The following SPTBN5 variants were observed in gnomAD, a reference collection of about 807,000 sequenced individuals.
SPTBN5 encodes the protein spectrin beta chain, non-erythrocytic 5.
In SPTBN5, 513 loss-of-function variants were observed where a neutral mutation model predicts 477.6. That is an observed-to-expected ratio of 1.07 (90% CI 1.00 to 1.16). The LOEUF is 1.16. Ranked by LOEUF, SPTBN5 falls within the 50% of genes most tolerant of loss-of-function variation. The pLI, the probability that SPTBN5 is intolerant of heterozygous loss-of-function variation, is 0.00. For missense variants in SPTBN5, 5,062 were observed against 4,731.8 expected, an observed-to-expected ratio of 1.07 and a Z score of -2.05; for synonymous variants, 2,169 against 2,011.7, an observed-to-expected ratio of 1.08 and a Z score of -2.09.
At position 41,876,094 on chromosome 15, in the gene SPTBN5, C is replaced by A; in HGVS notation, c.4122+20G>T. 6.3e-7 allele frequency: 1 copy of A among 1,589,066 alleles called. No homozygotes were observed. The highest frequency in any genetic ancestry group is 8.5e-7 in the Non-Finnish European group (1 of 1,170,604). Reference sequence around the variant, plus strand: ...TTTGAAGACAAGGAGGCTCTGCACCCTCTGTCCCGTGTCCCCCACCTGCTG... The same window carrying A: ...TTTGAAGACAAGGAGGCTCTGCACCATCTGTCCCGTGTCCCCCACCTGCTG... On this transcript the variant is annotated intron_variant, in intron 21 of 67. Coordinates refer to ENST00000320955, the MANE Select transcript of SPTBN5 (RefSeq NM_016642.4).
At chr15:41,867,382 C>T (rs1190228031) in intron 35 of SPTBN5, among the ~76,000 whole-genome samples, 156 bp downstream of exon 35, 1 of 152,162 alleles carries the variant, frequency 6.6e-6, no homozygotes, top group Non-Finnish European at 1.5e-5. Context: ...TCTTGAGCCA[C>T]ACATACAACT....
intron 62 of SPTBN5, 34 bp downstream of exon 62, chr15:41,852,148 G>C: frequency 5.8e-6 from 9 of 1,547,400 alleles, no homozygotes; most frequent in Non-Finnish European, 7.9e-6. Flanking sequence ...GGAGACCACG[G>C]CGGGGGTGCC....
rs774446703 is a variant in SPTBN5 at position 41,882,566 on chromosome 15, G to A, written c.2046+19C>T. The A allele has an allele frequency of 2.4e-5, 38 of 1,585,288 alleles. No homozygotes were observed. The Middle Eastern group carries it at 1.0e-3, about 42-fold the overall frequency. On this transcript the variant is annotated intron_variant, in intron 10 of 67. Transcript: ENST00000320955. ...GGCAAGGCGCTGGCGACCGGCGGGC[G>A]CGCTCGGGGAGCTGACACCTTGTGT...
chr15:41,861,672 T>A, intron 45 of SPTBN5, 63 bp downstream of exon 45: 1 of 1,506,820 alleles, frequency 6.6e-7, no homozygotes, highest in Non-Finnish European at 8.9e-7. Flanking sequence ...CCAGAGGCTG[T>A]GGGGTCAGCG....
intron 3 of SPTBN5, among the ~76,000 whole-genome samples, chr15:41,891,238 T>C (rs1427820714): frequency 6.6e-6 from 1 of 152,166 alleles, no homozygotes; most frequent in African/African-American, 2.4e-5. Context: ...AAGTACTGAA[T>C]GGAGAAAGAA....
rs112538322 is a variant in SPTBN5, at chr15:41,863,496, C to T, written c.7149+208G>A. Among the ~76,000 whole-genome samples the T allele has an allele frequency of 5.0e-3, 768 of 152,286 alleles. 11 individuals carry two copies. Among genetic ancestry groups the T allele is most frequent in the African/African-American group, 0.017 (726 of 41,552 alleles). On this transcript the variant is annotated intron_variant, in intron 41 of 67. Transcript: ENST00000320955. ...GAGACAGGGAATCCCCCACTGAGCTCGCAATGGATGCTTCTATGGTCCTGA... is the reference window on the plus strand; with the variant it reads ...GAGACAGGGAATCCCCCACTGAGCTTGCAATGGATGCTTCTATGGTCCTGA...
chr15:41,852,150 G>A (rs759750202), intron 62 of SPTBN5, 32 bp downstream of exon 62: 51 of 1,547,860 alleles, frequency 3.3e-5, no homozygotes, highest in Admixed American at 1.9e-4. Flanking sequence ...AGACCACGGC[G>A]GGGGTGCCTG....
rs756420485 is a variant in SPTBN5, at chr15:41,880,357, G to A, written c.2659-45C>T. On this transcript the variant is annotated intron_variant, in intron 13 of 67. Coordinates refer to ENST00000320955, the MANE Select transcript of SPTBN5 (RefSeq NM_016642.4). ...GGCTGGGGTGAGGGTCAGGGCCCCC[G>A]ACAGGGCTCTCAGAGCGGGTCAAAG... The A allele has an allele frequency of 5.8e-6, 9 of 1,544,210 alleles. No homozygotes were observed. In the Admixed American group the frequency reaches 6.0e-5, roughly 10 times the overall value.
At chr15:41,860,099 T>TA (rs1386549308) in intron 47 of SPTBN5, among the ~76,000 whole-genome samples, 3 of 152,222 alleles carry the variant, frequency 2.0e-5, no homozygotes. Context: ...TTAGATGAAC[T>TA]AAGACTTCTG....
chr15:41,877,898 C>T (rs1015436701), intron 17 of SPTBN5, among the ~76,000 whole-genome samples: 4 of 152,196 alleles, frequency 2.6e-5, no homozygotes, highest in Non-Finnish European at 5.9e-5. Flanking sequence ...GCCTGCCAGC[C>T]CATAACGTCA....
intron 66 of SPTBN5, 34 bp downstream of exon 66, chr15:41,850,820 G>T: frequency 6.5e-7 from 1 of 1,547,022 alleles, no homozygotes; most frequent in Non-Finnish European, 8.7e-7. Context: ...CAGGGAGTCG[G>T]CCGCCCTCCC....
At position 41,882,393 on chromosome 15, in the gene SPTBN5, C is replaced by G; in HGVS notation, c.2123G>C (p.Arg708Pro). Residue 708 changes from arginine (R) to proline (P), a missense_variant, in exon 11 of 68, where the codon CGC becomes CCC. Arg to Pro is a moderately radical substitution (Grantham distance 103). Transcript: ENST00000320955. ...GGGATCCGGCTGCGTTGGGGGCCTG[C>G]GGGCGCTGAGGTCGCGTCCCCTCCG... The part of the protein sequence containing the change: ...LVRRGRDLSA[R>P]RPPTQPDPGE... The G allele has an allele frequency of 6.5e-7, 1 of 1,538,892 alleles. No individual in the cohort carries two copies. Among genetic ancestry groups the G allele is most frequent in the Non-Finnish European group, 8.7e-7 (1 of 1,148,400 alleles).
chr15:41,861,025 A>T (rs920660950), intron 46 of SPTBN5, among the ~76,000 whole-genome samples: 1 of 152,130 alleles, frequency 6.6e-6, no homozygotes, highest in African/African-American at 2.4e-5. Context: ...CCTCCTCTGC[A>T]CTCCCTGGAG....
chr15:41,851,888 AGCAC>A, intron 62 of SPTBN5, 38 bp from the exon 63 acceptor site: 1 of 1,555,098 alleles, frequency 6.4e-7, no homozygotes, highest in Non-Finnish European at 8.8e-7. Flanking sequence ...TGTCAGGACC[AGCAC>A]CCTCAGGAAG....
rs764462237 is a variant in SPTBN5, at chr15:41,854,931, G to A, written c.9469C>T (p.Leu3157=). 4 of 1,575,738 alleles carry A rather than the reference G, an allele frequency of 2.5e-6. No individual in the cohort carries two copies. In the South Asian group the frequency reaches 3.5e-5, roughly 14 times the overall value. ...AGGGCATACACCTTGGCCTGGCCCA[G>A]GCTCTGCACTTCCTTTCTGAAAGCA... The part of the protein sequence containing the change: ...FDAFRKEVQS[L]GQAKVYALRK... The change falls in exon 56 of 68, where the codon CTG becomes TTG. Residue 3157 remains leucine (L), a synonymous_variant. Transcript: ENST00000320955.
intron 59 of SPTBN5, 79 bp from the exon 60 acceptor site, chr15:41,853,079 G>A (rs1250852770): frequency 4.8e-6 from 7 of 1,443,852 alleles, no homozygotes; most frequent in Middle Eastern, 2.5e-4. Context: ...AGAGCCAAGT[G>A]TTAATGGAAG....
intron 52 of SPTBN5, 85 bp downstream of exon 52, chr15:41,856,768 C>CTG: frequency 4.9e-6 from 7 of 1,422,586 alleles, no homozygotes; most frequent in Non-Finnish European, 6.6e-6. Flanking sequence ...CAGAGAGTTC[C>CTG]TGGCTGGGCC....
In SPTBN5 at chr15:41,852,265, C is replaced by T; in HGVS notation, c.10501G>A (p.Gly3501Ser). 2 of 1,607,790 alleles carry T rather than the reference C, an allele frequency of 1.2e-6. No homozygotes were observed. The highest frequency in any genetic ancestry group is 1.7e-6 in the Non-Finnish European group (2 of 1,177,172). The change falls in exon 62 of 68, where the codon GGC (glycine) becomes AGC (serine). Residue 3501 changes from glycine (G) to serine (S), a missense_variant. Gly to Ser is a moderately conservative substitution (Grantham distance 56, BLOSUM62 0). Coordinates refer to ENST00000320955, the MANE Select transcript of SPTBN5 (RefSeq NM_016642.4). ...CACTGAAAGGATGTCAGCGAGCTGCCAGCTCTCCCGGGCTTCAGCTCCTGT... is the reference window on the plus strand; with the variant it reads ...CACTGAAAGGATGTCAGCGAGCTGCTAGCTCTCCCGGGCTTCAGCTCCTGT... ...QPQELKPGRAGSSLTSFQWRP... is the reference protein window; with the variant it reads ...QPQELKPGRASSSLTSFQWRP...
intron 39 of SPTBN5, 63 bp downstream of exon 39, chr15:41,865,745 G>A: frequency 7.1e-7 from 1 of 1,417,302 alleles, no homozygotes; most frequent in Non-Finnish European, 9.7e-7. Flanking sequence ...CTCTTTCCCT[G>A]CTCTCAGTTG....
Sources: gnomAD v4.1 joint callset for allele counts (sites outside exome capture counted in the v4.1 genomes callset) on GRCh38, gnomAD v4.1.1 for gene constraint, MANE v1.5 for transcripts, NCBI Gene and HGNC (gene_info 2026-07-23, HGNC 2026-07-21) for gene names.